The following HTR1E variants were observed in gnomAD, a reference collection of about 807,000 sequenced individuals.
HTR1E encodes the protein 5-HT-1E.
In HTR1E, 3 loss-of-function variants were observed where a neutral mutation model predicts 3.4. That is an observed-to-expected ratio of 0.89 (90% confidence interval 0.41 to 2.31). The LOEUF is 2.31. Ranked by LOEUF, HTR1E falls within the 30% of genes most tolerant of loss-of-function variation. The pLI is 0.05. For missense variants in HTR1E, 392 were observed against 467.0 expected, an observed-to-expected ratio of 0.84 and a Z score of 1.48; for synonymous variants, 170 against 182.8, an observed-to-expected ratio of 0.93 and a Z score of 0.56.
At chr6:86,943,991 G>T (rs1582253761) in intron 1 of HTR1E, among the ~76,000 whole-genome samples, 1 of 152,294 alleles carries the variant, frequency 6.6e-6, no homozygotes, top group East Asian at 1.9e-4. Context: ...ACTGGGGAAA[G>T]GTAACGCTTC....
chr6:87,003,546 A>G (rs866221545), intron 1 of HTR1E, among the ~76,000 whole-genome samples: 1 of 151,952 alleles, frequency 6.6e-6, no homozygotes, highest in African/African-American at 2.4e-5. Context: ...CTCAAAAAAA[A>G]AAAAAGAAAA....
intron 1 of HTR1E, among the ~76,000 whole-genome samples, chr6:86,978,988 T>C (rs1221574214): frequency 2.6e-5 from 4 of 152,344 alleles, no homozygotes; most frequent in Admixed American, 6.5e-5. Context: ...CTGATGTTCT[T>C]TGACAGCAAT....
chr6:86,969,206 G>A (rs1767515213), intron 1 of HTR1E, among the ~76,000 whole-genome samples: 1 of 152,114 alleles, frequency 6.6e-6, no homozygotes, highest in African/African-American at 2.4e-5. Flanking sequence ...GATGTGTGGG[G>A]CAAGAAACAC....
At chr6:86,947,116 C>CA (rs1001231986) in intron 1 of HTR1E, among the ~76,000 whole-genome samples, 71 of 146,102 alleles carry the variant, frequency 4.9e-4, no homozygotes, top group Admixed American at 1.4e-3. Context: ...AACTCTGTCT[C>CA]AAAAAAAAAA....
intron 1 of HTR1E, among the ~76,000 whole-genome samples, chr6:86,947,008 C>G (rs1191827275): frequency 6.6e-6 from 1 of 151,996 alleles, no homozygotes; most frequent in East Asian, 1.9e-4. Context: ...CCCAGCTACT[C>G]AGGAAGCTGA....
chr6:86,982,654 G>C (rs1395781713), intron 1 of HTR1E, among the ~76,000 whole-genome samples: 1 of 152,156 alleles, frequency 6.6e-6, no homozygotes, highest in Non-Finnish European at 1.5e-5. Flanking sequence ...CTAAACACCA[G>C]TCTGGAATCT....
At chr6:86,944,709 C>A (rs1363005751) in intron 1 of HTR1E, among the ~76,000 whole-genome samples, 1 of 152,172 alleles carries the variant, frequency 6.6e-6, no homozygotes, top group Admixed American at 6.5e-5. Flanking sequence ...GACAGCCATG[C>A]AGCACATTGA....
At chr6:86,948,670 C>T (rs1325112733) in intron 1 of HTR1E, among the ~76,000 whole-genome samples, 1 of 152,162 alleles carries the variant, frequency 6.6e-6, no homozygotes, top group Non-Finnish European at 1.5e-5. Flanking sequence ...TCAGGTCACA[C>T]TGAATGCACC....
chr6:86,956,402 A>C (rs4707335), intron 1 of HTR1E, among the ~76,000 whole-genome samples: 4,103 of 152,274 alleles, frequency 0.027, 129 homozygotes, highest in East Asian at 0.15. Flanking sequence ...ATCTTCATTC[A>C]GACATTCCTT....
In HTR1E at chr6:87,007,683, C is replaced by T. The variant is rs370605517; in HGVS notation, c.-185-7467C>T. 9.2e-5 allele frequency among the ~76,000 whole-genome samples: 14 copies of T among 152,274 alleles called. No homozygotes were observed. In the East Asian group the frequency reaches 1.9e-3, roughly 21 times the overall value. On this transcript the variant is annotated intron_variant, in intron 1 of 1. Transcript: ENST00000305344. ...GGGCATGGTGGCTCACACTTGTTAT[C>T]CCAGCACTGTGGGAGGCCGAGGTGG...
intron 1 of HTR1E, among the ~76,000 whole-genome samples, chr6:86,993,859 G>A (rs1018829187): frequency 6.6e-6 from 1 of 151,802 alleles, no homozygotes; most frequent in Non-Finnish European, 1.5e-5. Flanking sequence ...GAAGCCCATA[G>A]CAAAAACATC....
At chr6:86,988,952 A>G (rs994088301) in intron 1 of HTR1E, among the ~76,000 whole-genome samples, 2 of 152,226 alleles carry the variant, frequency 1.3e-5, no homozygotes, top group African/African-American at 4.8e-5. Flanking sequence ...ATGTTAAGCC[A>G]GGAAATTAAA....
chr6:87,009,279 C>T (rs1768164622), intron 1 of HTR1E, among the ~76,000 whole-genome samples: 1 of 149,856 alleles, frequency 6.7e-6, no homozygotes, highest in South Asian at 2.1e-4. Context: ...GAGCATGCTG[C>T]CTTCAAGCAT....
At chr6:86,941,653 T>C (rs1319170956) in intron 1 of HTR1E, among the ~76,000 whole-genome samples, 1 of 152,208 alleles carries the variant, frequency 6.6e-6, no homozygotes, top group Non-Finnish European at 1.5e-5. Flanking sequence ...GGAATGAGCA[T>C]CTCTGGATTC....
intron 1 of HTR1E, among the ~76,000 whole-genome samples, chr6:86,981,218 T>A (rs2127825521): frequency 6.6e-6 from 1 of 152,340 alleles, no homozygotes. Flanking sequence ...AACATCCACT[T>A]TGCTGCTTAC....
intron 1 of HTR1E, among the ~76,000 whole-genome samples, chr6:86,990,897 G>T (rs1295153863): frequency 6.6e-6 from 1 of 152,070 alleles, no homozygotes; most frequent in Non-Finnish European, 1.5e-5. Flanking sequence ...AAAAAATAGA[G>T]CAGGGAAAGG....
chr6:86,942,057 G>C (rs1225856573), intron 1 of HTR1E, among the ~76,000 whole-genome samples: 1 of 152,166 alleles, frequency 6.6e-6, no homozygotes, highest in African/African-American at 2.4e-5. Context: ...AGCTTGCCTG[G>C]TTAGCGACAA....
chr6:86,990,956 C>T (rs890543821), intron 1 of HTR1E, among the ~76,000 whole-genome samples: 2 of 152,060 alleles, frequency 1.3e-5, no homozygotes, highest in African/African-American at 4.8e-5. Context: ...GCTACCTTAA[C>T]CAAATGATGA....
intron 1 of HTR1E, among the ~76,000 whole-genome samples, chr6:86,946,586 T>C (rs1768619706): frequency 6.6e-6 from 1 of 152,200 alleles, no homozygotes; most frequent in Admixed American, 6.5e-5. Context: ...ATGATGGTCA[T>C]AATGACAATG....
Sources: allele counts gnomAD v4.1 joint callset (sites outside exome capture counted in the v4.1 genomes callset), GRCh38; gene constraint gnomAD v4.1.1; transcripts MANE v1.5; gene names NCBI Gene and HGNC (gene_info 2026-07-23, HGNC 2026-07-21).